PFKL: variants seen among roughly 807,000 people sequenced by gnomAD.
PFKL encodes ATP-dependent 6-phosphofructokinase, liver type.
A neutral mutation model predicts 92.1 loss-of-function variants in PFKL; 74 were observed. The observed-to-expected ratio is 0.80, with a 90% confidence interval of 0.67 to 0.97. The LOEUF (loss-of-function observed/expected upper bound fraction) is 0.97, where lower values mean the gene tolerates loss of function less well. Ranked by LOEUF, PFKL falls within the 50% of genes least tolerant of loss-of-function variation. The probability of loss-of-function intolerance (pLI) is 0.00; values close to 1 mark genes in which losing one functional copy is unlikely to be tolerated. For missense variants in PFKL, 1,028 were observed against 1,116.6 expected (o/e 0.92, Z 1.13); for synonymous variants, 494 against 456.4 (o/e 1.08, Z -1.05).
chr21:44,314,726 C>T (rs1437064738), intron 7 of PFKL: 1 of 152,270 alleles, frequency 6.6e-6, no homozygotes, highest in Non-Finnish European at 1.5e-5. Context: ...TGAGACCCCT[C>T]AACTGGGACA....
chr21:44,312,054 G>A, intron 3 of PFKL, 51 bp from the exon 4 acceptor site: 1 of 1,353,384 alleles, frequency 7.4e-7, no homozygotes, highest in South Asian at 1.7e-5. Context: ...ATCCCCAGGG[G>A]CTGTCTGCCG....
At chr21:44,313,536 C>A in intron 5 of PFKL, 102 bp from the exon 6 acceptor site, 1 of 1,120,646 alleles carries the variant, frequency 8.9e-7, no homozygotes, top group Non-Finnish European at 1.3e-6. Context: ...CTGTCCCCTG[C>A]CTGCCTCTCC....
chr21:44,309,724 TC>T (rs1311219643), intron 2 of PFKL, among the ~76,000 whole-genome samples: 1 of 152,148 alleles, frequency 6.6e-6, no homozygotes, highest in Non-Finnish European at 1.5e-5. Flanking sequence ...TTTCCTGTTT[TC>T]CTTGTTCCTA....
intron 1 of PFKL, among the ~76,000 whole-genome samples, chr21:44,304,722 T>C (rs1316972258): frequency 3.1e-5 from 3 of 96,286 alleles, no homozygotes; most frequent in South Asian, 8.8e-4. Flanking sequence ...TCGGGGGGCT[T>C]GGCTGTCTGC....
In PFKL at chr21:44,304,794, G is replaced by C. The variant is rs373489398; in HGVS notation, c.86-1887G>C. Among the ~76,000 whole-genome samples the C allele has an allele frequency of 6.2e-3, 909 of 147,184 alleles. 13 individuals are homozygous for C. Among genetic ancestry groups the C allele is most frequent in the African/African-American group, 0.021 (857 of 39,972 alleles). On this transcript the variant is annotated intron_variant, in intron 1 of 21. Transcript: ENST00000349048. Reference sequence around the variant, plus strand: ...CTGGGGGAGCTTGTCTGTCTGTCTGGGGGGCTTGGCTTTCTGGGTGTGTGT... The same window carrying C: ...CTGGGGGAGCTTGTCTGTCTGTCTGCGGGGCTTGGCTTTCTGGGTGTGTGT...
Position 44,326,222 on chromosome 21 carries a change from C to A in PFKL, c.2153C>A (p.Ala718Asp). 5 of 1,612,864 alleles carry A rather than the reference C, an allele frequency of 3.1e-6. No individual in the cohort carries two copies. Among genetic ancestry groups the A allele is most frequent in the Non-Finnish European group, 4.2e-6 (5 of 1,179,704 alleles). The part of the protein sequence containing the change: ...CVIGLKKKAV[A>D]FSPVTELKKD... ...ATCGGCCTGAAGAAGAAGGCGGTGG[C>A]CTTCAGCCCCGTCACTGAGCTCAAG... is the stretch of plus-strand genomic sequence containing the variant. The change falls in exon 21 of 22, where the codon GCC (alanine) becomes GAC (aspartate). Residue 718 changes from alanine (A) to aspartate (D), a missense_variant. Coordinates refer to ENST00000349048, the MANE Select transcript of PFKL (RefSeq NM_002626.6).
intron 1 of PFKL, chr21:44,305,778 C>T: frequency 7.3e-7 from 1 of 1,365,906 alleles, no homozygotes; most frequent in African/African-American, 1.5e-5. Flanking sequence ...GTGCCGCCTC[C>T]CCCGTTAATG....
chr21:44,305,261 G>A, intron 1 of PFKL: 1 of 1,331,038 alleles, frequency 7.5e-7, no homozygotes, highest in Non-Finnish European at 1.0e-6. Context: ...CTCAAGGCGT[G>A]GCACCTCACC....
At chr21:44,324,761 C>A in intron 17 of PFKL, 95 bp from the exon 18 acceptor site, 1 of 1,569,422 alleles carries the variant, frequency 6.4e-7, no homozygotes, top group South Asian at 1.1e-5. Flanking sequence ...AGGTGGGACG[C>A]GTAGCCCAGT....
intron 12 of PFKL, 107 bp downstream of exon 12, chr21:44,320,254 G>C: frequency 1.1e-6 from 1 of 932,940 alleles, no homozygotes; most frequent in Non-Finnish European, 1.6e-6. Flanking sequence ...CTTCCCTCCT[G>C]CTGGGGTCCG....
Position 44,312,145 on chromosome 21 carries a change from C to T in PFKL, c.278C>T (p.Thr93Ile), listed in dbSNP as rs758576805. 13 of 1,587,770 alleles carry T rather than the reference C, an allele frequency of 8.2e-6. No individual in the cohort carries two copies. The highest frequency in any genetic ancestry group is 1.1e-5 in the Non-Finnish European group (13 of 1,167,636). The stretch of plus-strand genomic sequence containing the variant: ...GGCAGCGCTCGCTGCAAGGCCTTTA[C>T]CACCAGGGAGGGGCGCCGGGCAGCG... Reference protein sequence around the residue: ...IIGSARCKAFTTREGRRAAAY... With the variant: ...IIGSARCKAFITREGRRAAAY... The change falls in exon 4 of 22, where the codon ACC becomes ATC. Residue 93 changes from threonine (T) to isoleucine (I), a missense_variant. By Grantham distance (89) the Thr-to-Ile change is moderately conservative (BLOSUM62 -1). Coordinates refer to ENST00000349048, the MANE Select transcript of PFKL (RefSeq NM_002626.6).
Position 44,300,196 on chromosome 21 carries a change from CG to C in PFKL, c.85+11del. 3.6e-6 allele frequency: 4 copies of C among 1,096,054 alleles called. No homozygotes were observed. The highest frequency in any genetic ancestry group is 7.2e-5 in the East Asian group (1 of 13,934). 67.9% of individuals were successfully genotyped at this position (1,096,054 alleles called of 1,614,324 possible). ...CAGCGGCGGCGACGCGCAAGGTGGG[CG>C]GGGGTCCCGGCCGCGTCGCGGCGCA... is the stretch of plus-strand genomic sequence containing the variant. On this transcript the variant is annotated splice_region_variant and intron_variant, in intron 1 of 21. Coordinates refer to ENST00000349048, the MANE Select transcript of PFKL (RefSeq NM_002626.6).
At position 44,316,260 on chromosome 21, in the gene PFKL, C is replaced by T. The variant is rs1196227004; in HGVS notation, c.764C>T (p.Ser255Phe). ...TTGACCCAGACTCGGAGCCGTGGGT[C>T]CCGACTGAACATCATCATCATCGCT... Reference protein sequence around the residue: ...ERLGETRSRGSRLNIIIIAEG... With the variant: ...ERLGETRSRGFRLNIIIIAEG... The change falls in exon 8 of 22, where the codon TCC becomes TTC. Residue 255 changes from serine (S) to phenylalanine (F), a missense_variant. Coordinates refer to ENST00000349048, the MANE Select transcript of PFKL (RefSeq NM_002626.6). 1.2e-6 allele frequency: 2 copies of T among 1,613,096 alleles called. No individual in the cohort carries two copies. Among genetic ancestry groups the T allele is most frequent in the Non-Finnish European group, 1.7e-6 (2 of 1,179,950 alleles).
chr21:44,304,693 G>C (rs569919536), intron 1 of PFKL, among the ~76,000 whole-genome samples: 1 of 138,028 alleles, frequency 7.2e-6, no homozygotes, highest in East Asian at 2.2e-4. Flanking sequence ...GCTGTCTGGG[G>C]GGGGCTCGGC....
At chr21:44,326,318 CCTT>C in intron 21 of PFKL, 54 bp downstream of exon 21, 1 of 1,371,388 alleles carries the variant, frequency 7.3e-7, no homozygotes. Flanking sequence ...GTGGCCCAGA[CCTT>C]CCCTGAGGCA....
chr21:44,324,868 C>T lies in PFKL; in HGVS notation c.1828C>T (p.His610Tyr). Residue 610 changes from histidine to tyrosine, a missense_variant, in exon 18 of 22, where the codon CAC becomes TAC. His to Tyr is a moderately conservative substitution (Grantham distance 83). Coordinates refer to ENST00000349048, the MANE Select transcript of PFKL (RefSeq NM_002626.6). ...NIHDLKVNVE[H>Y]MTEKMKTDIQ... is the part of the protein sequence containing the mutation. The stretch of plus-strand genomic sequence containing the variant: ...GCCCCTCCCGCAGGTCAACGTGGAG[C>T]ACATGACGGAGAAGATGAAGACAGA... The T allele has an allele frequency of 6.2e-7, 1 of 1,608,498 alleles. No homozygotes were observed.
rs1230896113 is a variant in PFKL, at chr21:44,325,282, G to A, written c.1989+18G>A. The A allele has an allele frequency of 4.8e-6, 7 of 1,454,958 alleles. No homozygotes were observed. The Admixed American group carries it at 1.0e-4, about 21-fold the overall frequency. 90.1% of individuals were successfully genotyped at this position (1,454,958 alleles called of 1,614,324 possible). A position where few individuals can be genotyped will look rare whatever the true frequency, so the allele number is the denominator to read the frequency against. On this transcript the variant is annotated intron_variant, in intron 19 of 21. Coordinates refer to ENST00000349048, the MANE Select transcript of PFKL (RefSeq NM_002626.6). Reference sequence around the variant, plus strand: ...TGCAGCAGGTGTGGGGCAGGGGTGAGGCTCTGAGAGGCCTGCCCCTCTTTC... The same window carrying A: ...TGCAGCAGGTGTGGGGCAGGGGTGAAGCTCTGAGAGGCCTGCCCCTCTTTC...
chr21:44,313,806 C>T (rs1232168255), intron 6 of PFKL, 107 bp from the exon 7 acceptor site: 17 of 1,321,948 alleles, frequency 1.3e-5, no homozygotes, highest in Admixed American at 4.0e-5. Context: ...GGGTGGGGGC[C>T]GGGAGAGACA....
chr21:44,302,889 G>A (rs992102871), intron 1 of PFKL, among the ~76,000 whole-genome samples: 1 of 152,164 alleles, frequency 6.6e-6, no homozygotes, highest in Non-Finnish European at 1.5e-5. Context: ...AGGGGAGGGC[G>A]TTGTTCAAGG....
Sources: gnomAD v4.1 joint callset for allele counts (sites outside exome capture counted in the v4.1 genomes callset) on GRCh38, gnomAD v4.1.1 for gene constraint, MANE v1.5 for transcripts, NCBI Gene and HGNC (gene_info 2026-07-23, HGNC 2026-07-21) for gene names.